Variants in USH1C observed in about 807,000 individuals in gnomAD.
USH1C encodes the protein harmonin.
Under a neutral mutation model 119.3 loss-of-function variants are expected in USH1C, and 90 were observed. That is an observed-to-expected ratio of 0.75 (90% CI 0.64 to 0.90). The LOEUF is 0.90. Among genes scored for constraint, USH1C ranks in the 40% least tolerant of loss-of-function variants. The pLI is 0.00. For missense variants in USH1C, 1,165 were observed against 1,167.7 expected (o/e 1.00, Z 0.03); for synonymous variants, 465 against 443.3 (o/e 1.05, Z -0.62).
chr11:17,540,315 T>C (rs145191557), intron 1 of USH1C, among the ~76,000 whole-genome samples: 84 of 152,276 alleles, frequency 5.5e-4, no homozygotes, highest in African/African-American at 1.9e-3. Flanking sequence ...AGCTAGTTTG[T>C]AGTATTTCAC....
At chr11:17,532,828 A>G (rs1015917998) in intron 2 of USH1C, among the ~76,000 whole-genome samples, 1 of 152,240 alleles carries the variant, frequency 6.6e-6, no homozygotes, top group Non-Finnish European at 1.5e-5. Context: ...TCATTTCCAG[A>G]TTCTGCACAG....
At position 17,511,889 on chromosome 11, in the gene USH1C, G is replaced by A. The variant is rs876657623; in HGVS notation, c.1413+13C>T. 1.2e-6 allele frequency: 2 copies of A among 1,611,322 alleles called. No individual in the cohort carries two copies. The highest frequency in any genetic ancestry group is 3.4e-5 in the Admixed American group (2 of 59,560). On this transcript the variant is annotated intron_variant, in intron 16 of 26. Transcript: ENST00000005226. ...CCAGGGTTGCTTGCCTGGCCTGCAG[G>A]CAGGACACATACCTCCTGGGCCAGC...
At chr11:17,534,079 G>A (rs2133932985) in intron 1 of USH1C, among the ~76,000 whole-genome samples, 1 of 152,356 alleles carries the variant, frequency 6.6e-6, no homozygotes, top group Non-Finnish European at 1.5e-5. Flanking sequence ...AGTTACCTCA[G>A]TGTGAATCTC....
chr11:17,523,553 C>G, intron 9 of USH1C, 75 bp from the exon 10 acceptor site: 1 of 1,461,396 alleles, frequency 6.8e-7, no homozygotes, highest in South Asian at 1.2e-5. Flanking sequence ...CAGGCTCCCC[C>G]AGGGGCTCTG....
chr11:17,531,345 C>T lies in USH1C; in HGVS notation c.249-53G>A, dbSNP rs533891825. ...TGCAGCTTGGCTGCCAGCACTGCCC[C>T]GCCCAGGGTGATCTCTCCACCCCCT... On this transcript the variant is annotated intron_variant, in intron 3 of 26. Coordinates refer to ENST00000005226, the MANE Select transcript of USH1C (RefSeq NM_153676.4). This position sits in a 1 kb window ranked among gnomAD's most constrained non-coding sequence, Gnocchi z 4.2. 5.4e-5 allele frequency: 87 copies of T among 1,613,918 alleles called. 1 individual carries two copies. The African/African-American group carries it at 7.9e-4, about 15-fold the overall frequency.
chr11:17,530,402 CCTGGCT>C (rs1184494736), intron 4 of USH1C, among the ~76,000 whole-genome samples: 1 of 152,212 alleles, frequency 6.6e-6, no homozygotes, highest in East Asian at 1.9e-4. Flanking sequence ...AGTTTCTAAT[CCTGGCT>C]CTGCCACTTA....
At chr11:17,516,579 C>A in intron 14 of USH1C, 1 of 467,266 alleles carries the variant, frequency 2.1e-6, no homozygotes, top group Non-Finnish European at 3.9e-6. Flanking sequence ...GCCAGAACAT[C>A]AAAGAGAAAA....
chr11:17,507,532 T>C (rs1484902392), intron 18 of USH1C, among the ~76,000 whole-genome samples: 2 of 152,202 alleles, frequency 1.3e-5, no homozygotes, highest in Admixed American at 6.5e-5. Flanking sequence ...CTCTGGACTA[T>C]CAATAACCAT....
At position 17,526,619 on chromosome 11, in the gene USH1C, T is replaced by A. The variant is rs1592011887; in HGVS notation, c.579+134A>T. Reference sequence around the variant, plus strand: ...GCCGAGGGCTGCTGCCCCACAGCGGTGTGCTGGCTGCCCTGGGAGCCTGTG... The same window carrying A: ...GCCGAGGGCTGCTGCCCCACAGCGGAGTGCTGGCTGCCCTGGGAGCCTGTG... On this transcript the variant is annotated intron_variant, in intron 7 of 26. Coordinates refer to ENST00000005226, the MANE Select transcript of USH1C (RefSeq NM_153676.4). 2.6e-6 allele frequency: 3 copies of A among 1,168,368 alleles called. No homozygotes were observed. In the South Asian group the frequency reaches 3.9e-5, roughly 15 times the overall value. 72.4% of individuals were successfully genotyped at this position (1,168,368 alleles called of 1,614,324 possible).
intron 7 of USH1C, 99 bp from the exon 8 acceptor site, chr11:17,526,540 G>A (rs976469575): frequency 2.0e-5 from 24 of 1,195,094 alleles, no homozygotes; most frequent in Admixed American, 1.8e-4. Flanking sequence ...CTGAACTCAC[G>A]CCAGCCAGAT....
intron 23 of USH1C, among the ~76,000 whole-genome samples, chr11:17,500,736 A>G (rs1359580080): frequency 6.6e-6 from 1 of 151,368 alleles, no homozygotes; most frequent in African/African-American, 2.4e-5. Flanking sequence ...GCTTCCCTCC[A>G]CTCTGAGTTC....
chr11:17,536,698 G>A (rs74513242), intron 1 of USH1C, among the ~76,000 whole-genome samples: 2 of 152,176 alleles, frequency 1.3e-5, no homozygotes, highest in South Asian at 2.1e-4. Flanking sequence ...GCCATTGCTC[G>A]CTTCACCACA....
At chr11:17,510,036 C>T (rs1024885299) in intron 17 of USH1C, among the ~76,000 whole-genome samples, 198 bp from the exon 18 acceptor site, 2 of 152,100 alleles carry the variant, frequency 1.3e-5, no homozygotes, top group Non-Finnish European at 2.9e-5. Flanking sequence ...TTAGGGAGTG[C>T]CCAAATGCAG....
At chr11:17,526,005 A>C (rs1167487281) in intron 8 of USH1C, among the ~76,000 whole-genome samples, 1 of 152,196 alleles carries the variant, frequency 6.6e-6, no homozygotes, top group Non-Finnish European at 1.5e-5. Flanking sequence ...GTTTGAGACC[A>C]GCCTGGGCAA....
chr11:17,494,633 T>A (rs1849181736), intron 26 of USH1C: 3 of 576,812 alleles, frequency 5.2e-6, no homozygotes, highest in Admixed American at 3.0e-5. Context: ...GGGGCAAGAG[T>A]CCTTTGCAAA....
rs1850672659 is a variant in USH1C at position 17,526,369 on chromosome 11, C to T, written c.652G>A (p.Gly218Ser). 4.3e-6 allele frequency: 7 copies of T among 1,613,916 alleles called. No individual in the cohort carries two copies. The Admixed American group carries it at 8.3e-5, about 19-fold the overall frequency. The change falls in exon 8 of 27, where the codon GGC becomes AGC. Residue 218 changes from glycine to serine, a missense_variant. Transcript: ENST00000005226. ...CACCTGCAGCCAAGGCCTCGGGAGCCTACCAGGCTGATGAAGACCTTCTTC... is the reference window on the plus strand; with the variant it reads ...CACCTGCAGCCAAGGCCTCGGGAGCTTACCAGGCTGATGAAGACCTTCTTC... ...KEKKVFISLV[G>S]SRGLGCSISS...
chr11:17,537,807 G>A (rs1851289688), intron 1 of USH1C, among the ~76,000 whole-genome samples: 1 of 152,148 alleles, frequency 6.6e-6, no homozygotes, highest in African/African-American at 2.4e-5. Context: ...ACTGCCTGAG[G>A]AACTTTACGT....
Position 17,509,562 on chromosome 11 carries a change from T to TG in USH1C, c.1806dup (p.Ile603HisfsTer56), listed in dbSNP as rs765346539. On this transcript the variant is annotated frameshift_variant, in exon 18 of 27. Coordinates refer to ENST00000005226, the MANE Select transcript of USH1C (RefSeq NM_153676.4). LOFTEE classifies it high-confidence loss of function. ...ACGGATGGCGGGGGAGGGATGGGAA[T>TG]GGGGGGTGGAGTGCGCTGCACCCAT... 11 of 1,097,554 alleles carry TG rather than the reference T, an allele frequency of 1.0e-5. No individual in the cohort carries two copies. The highest frequency in any genetic ancestry group is 1.2e-5 in the Non-Finnish European group (10 of 824,430). 68.0% of individuals were successfully genotyped at this position (1,097,554 alleles called of 1,614,324 possible). A position where few individuals can be genotyped will look rare whatever the true frequency, so the allele number is the denominator to read the frequency against.
chr11:17,529,442 G>C lies in USH1C; in HGVS notation c.387+1712C>G, dbSNP rs185758746. On this transcript the variant is annotated intron_variant, in intron 4 of 26. Coordinates refer to ENST00000005226, the MANE Select transcript of USH1C (RefSeq NM_153676.4). ...ATCAGCACAGGTCTTTAGCCCAGCCGGGCTGTATCTGAACCTGCTCATCCC... is the reference window on the plus strand; with the variant it reads ...ATCAGCACAGGTCTTTAGCCCAGCCCGGCTGTATCTGAACCTGCTCATCCC... 1.7e-3 allele frequency among the ~76,000 whole-genome samples: 264 copies of C among 152,302 alleles called. 1 individual carries two copies. Among genetic ancestry groups the C allele is most frequent in the African/African-American group, 5.4e-3 (225 of 41,558 alleles).
Sources: gnomAD v4.1 joint callset for allele counts (sites outside exome capture counted in the v4.1 genomes callset) on GRCh38, gnomAD v4.1.1 for gene constraint, Gnocchi (gnomAD v3.1) non-coding constraint, MANE v1.5 for transcripts, NCBI Gene and HGNC (gene_info 2026-07-23, HGNC 2026-07-21) for gene names.